Variants in AGBL1 observed in about 807,000 individuals in gnomAD.
The protein encoded by AGBL1 is AGBL carboxypeptidase 1, also known as cytosolic carboxypeptidase 4.
Under a neutral mutation model 118.9 loss-of-function variants are expected in AGBL1, and 130 were observed. That is an observed-to-expected ratio of 1.09 (90% CI 0.95 to 1.26). AGBL1 has a LOEUF of 1.26. Ranked by LOEUF, AGBL1 falls within the 50% of genes most tolerant of loss-of-function variation. The probability of loss-of-function intolerance (pLI) is 0.00; values close to 1 mark genes in which losing one functional copy is unlikely to be tolerated. For synonymous variants in AGBL1, 555 were observed against 478.9 expected, an observed-to-expected ratio of 1.16 and a Z score of -2.08; for missense variants, 1,584 against 1,298.1, an observed-to-expected ratio of 1.22 and a Z score of -3.38.
intron 22 of AGBL1, among the ~76,000 whole-genome samples, chr15:86,770,149 A>C (rs1028874249): frequency 6.6e-6 from 1 of 152,068 alleles, no homozygotes; most frequent in Admixed American, 6.6e-5. Flanking sequence ...AAACTAAACA[A>C]AACTAAACAA....
At chr15:86,170,642 C>T (rs191664551) in intron 5 of AGBL1, among the ~76,000 whole-genome samples, 2 of 151,958 alleles carry the variant, frequency 1.3e-5, no homozygotes, top group African/African-American at 2.4e-5. Context: ...CTCAGGAGTT[C>T]GAGACCACCC....
chr15:86,711,665 C>T (rs2086559393), intron 22 of AGBL1, among the ~76,000 whole-genome samples: 1 of 152,066 alleles, frequency 6.6e-6, no homozygotes, highest in South Asian at 2.1e-4. Context: ...AAACTATGGC[C>T]CACTGGTTAA....
At chr15:86,463,530 A>T (rs556186316) in intron 18 of AGBL1, among the ~76,000 whole-genome samples, 94 of 152,258 alleles carry the variant, frequency 6.2e-4, no homozygotes, top group Non-Finnish European at 1.1e-3. Context: ...TATATCCTGA[A>T]TGGTATTACT....
At chr15:86,163,013 AC>A (rs2077288824) in intron 5 of AGBL1, among the ~76,000 whole-genome samples, 1 of 152,224 alleles carries the variant, frequency 6.6e-6, no homozygotes, top group African/African-American at 2.4e-5. Flanking sequence ...TGGACTCTGT[AC>A]TATATTGGCC....
chr15:86,327,650 C>A (rs1451354011), intron 17 of AGBL1, among the ~76,000 whole-genome samples: 1 of 152,170 alleles, frequency 6.6e-6, no homozygotes, highest in Non-Finnish European at 1.5e-5. Context: ...ATACACGAAC[C>A]ATTGTGAGCA....
intron 7 of AGBL1, among the ~76,000 whole-genome samples, chr15:86,252,887 G>A (rs1349656136): frequency 6.6e-6 from 1 of 152,172 alleles, no homozygotes. Context: ...CGCCACATCT[G>A]CCCTTGGGCT....
intron 18 of AGBL1, among the ~76,000 whole-genome samples, chr15:86,470,902 A>G (rs2082471231): frequency 6.6e-6 from 1 of 152,090 alleles, no homozygotes; most frequent in East Asian, 1.9e-4. Flanking sequence ...GAATTTGTTT[A>G]TTAGTTCCAA....
rs117596379 is a variant in AGBL1 at position 86,093,779 on chromosome 15, G to A, written c.51+13756G>A. Among the ~76,000 whole-genome samples the A allele has an allele frequency of 7.4e-3, 1,120 of 152,252 alleles. 3 individuals carry two copies. The highest frequency in any genetic ancestry group is 0.011 in the Non-Finnish European group (730 of 67,988). ...CTGAAGGGCAGGCAAGATACACAGAGTGAGAAGGTTGGACATACATTTAAT... is the reference window on the plus strand; with the variant it reads ...CTGAAGGGCAGGCAAGATACACAGAATGAGAAGGTTGGACATACATTTAAT... On this transcript the variant is annotated intron_variant, in intron 1 of 22. Coordinates refer to ENST00000614907, the MANE Select transcript of AGBL1 (RefSeq NM_001386094.1).
At chr15:86,447,996 C>G (rs1042952616) in intron 18 of AGBL1, among the ~76,000 whole-genome samples, 1 of 151,806 alleles carries the variant, frequency 6.6e-6, no homozygotes, top group African/African-American at 2.4e-5. Flanking sequence ...AATACAAAAA[C>G]TAGCCGGGGG....
chr15:87,005,692 T>G (rs2081491985), intron 24 of AGBL1, among the ~76,000 whole-genome samples: 1 of 152,232 alleles, frequency 6.6e-6, no homozygotes, highest in African/African-American at 2.4e-5. Flanking sequence ...TCTCTACTTG[T>G]CAAAGTCATT....
chr15:86,982,876 A>G (rs1012308369), intron 23 of AGBL1, among the ~76,000 whole-genome samples: 1 of 152,226 alleles, frequency 6.6e-6, no homozygotes, highest in Non-Finnish European at 1.5e-5. Flanking sequence ...ATTTTTAACC[A>G]AATGGGAAAA....
intron 1 of AGBL1, among the ~76,000 whole-genome samples, chr15:86,112,822 GCATTT>G (rs1172896680): frequency 1.3e-5 from 2 of 151,954 alleles, no homozygotes; most frequent in East Asian, 3.9e-4. Flanking sequence ...ATTTTAATTT[GCATTT>G]CTTTGATTAC....
At chr15:86,552,076 T>G (rs1339340406) in intron 20 of AGBL1, among the ~76,000 whole-genome samples, 1 of 152,190 alleles carries the variant, frequency 6.6e-6, no homozygotes, top group Non-Finnish European at 1.5e-5. Context: ...ATTATACATT[T>G]TTTCAAACCC....
chr15:86,832,546 G>A (rs1474272100), intron 22 of AGBL1, among the ~76,000 whole-genome samples: 1 of 152,128 alleles, frequency 6.6e-6, no homozygotes, highest in Non-Finnish European at 1.5e-5. Flanking sequence ...AGATTTCTAG[G>A]ACAGGGGCAA....
chr15:86,380,247 C>G (rs58831967), intron 17 of AGBL1, among the ~76,000 whole-genome samples: 42 of 101,034 alleles, frequency 4.2e-4, no homozygotes, highest in South Asian at 1.2e-3. Flanking sequence ...CTGCCTGCCT[C>G]CCTCCCTCCC....
chr15:86,676,976 A>G (rs1432644988), intron 22 of AGBL1, among the ~76,000 whole-genome samples: 1 of 152,060 alleles, frequency 6.6e-6, no homozygotes, highest in African/African-American at 2.4e-5. Flanking sequence ...AGATCATGGC[A>G]CTGCACTCCA....
intron 21 of AGBL1, among the ~76,000 whole-genome samples, chr15:86,672,678 G>A (rs1206635221): frequency 1.3e-5 from 2 of 152,132 alleles, no homozygotes; most frequent in East Asian, 1.9e-4. Context: ...ATCAGACCTC[G>A]GAGCTTTAGA....
At chr15:86,966,825 C>A (rs2081058864) in intron 23 of AGBL1, among the ~76,000 whole-genome samples, 1 of 152,084 alleles carries the variant, frequency 6.6e-6, no homozygotes, top group South Asian at 2.1e-4. Context: ...ATTTATAGTC[C>A]TTTGGGTATA....
intron 21 of AGBL1, among the ~76,000 whole-genome samples, chr15:86,627,465 T>A (rs1472974442): frequency 6.6e-6 from 1 of 152,164 alleles, no homozygotes; most frequent in African/African-American, 2.4e-5. Flanking sequence ...ATGTGAAGAC[T>A]TGGCCTCTGA....
Sources: gnomAD v4.1 joint callset for allele counts (sites outside exome capture counted in the v4.1 genomes callset) on GRCh38, gnomAD v4.1.1 for gene constraint, MANE v1.5 for transcripts, NCBI Gene and HGNC (gene_info 2026-07-23, HGNC 2026-07-21) for gene names.